NECTIN1: variants seen among roughly 807,000 people sequenced by gnomAD.
NECTIN1 encodes the protein nectin cell adhesion molecule 1.
A neutral mutation model predicts 48.0 loss-of-function variants in NECTIN1; 23 were observed. The ratio of observed to expected loss-of-function variants is 0.48; its 90% CI spans 0.34 to 0.68. The LOEUF (loss-of-function observed/expected upper bound fraction) is 0.68. Among genes scored for constraint, NECTIN1 ranks in the 30% least tolerant of loss-of-function variants. NECTIN1 has a pLI of 0.01. For synonymous variants in NECTIN1, 270 were observed against 288.9 expected (o/e 0.93, Z 0.66); for missense variants, 591 against 709.9 (o/e 0.83, Z 1.90).
At chr11:119,666,676 C>T (rs549293405) in intron 5 of NECTIN1, among the ~76,000 whole-genome samples, 2 of 152,366 alleles carry the variant, frequency 1.3e-5, no homozygotes, top group South Asian at 4.1e-4. Flanking sequence ...TCCAGGCCCA[C>T]GTAAAGGGCC....
intron 1 of NECTIN1, among the ~76,000 whole-genome samples, chr11:119,716,370 G>T (rs1017058562): frequency 6.6e-6 from 1 of 152,044 alleles, no homozygotes. Flanking sequence ...ACAGTCCAGC[G>T]GTGCGAAGGC....
At chr11:119,645,253 G>A (rs1253387751) in intron 5 of NECTIN1, among the ~76,000 whole-genome samples, 1 of 152,150 alleles carries the variant, frequency 6.6e-6, no homozygotes, top group Admixed American at 6.5e-5. Context: ...TCCAGCCCAC[G>A]TGTGCTGGAC....
intron 1 of NECTIN1, among the ~76,000 whole-genome samples, chr11:119,724,812 T>G (rs1346035101): frequency 6.6e-6 from 1 of 152,178 alleles, no homozygotes; most frequent in Non-Finnish European, 1.5e-5. Context: ...CACACACACT[T>G]TATACTAAAG....
intron 1 of NECTIN1, among the ~76,000 whole-genome samples, chr11:119,701,073 C>T (rs533149945): frequency 6.6e-5 from 10 of 152,164 alleles, no homozygotes; most frequent in Non-Finnish European, 1.2e-4. Flanking sequence ...GGCTGGGGAG[C>T]AGGGTGCTTG....
intron 1 of NECTIN1, among the ~76,000 whole-genome samples, chr11:119,718,804 TG>T (rs1047144813): frequency 1.3e-5 from 2 of 152,208 alleles, no homozygotes; most frequent in African/African-American, 4.8e-5. Context: ...CAACAGTGTC[TG>T]TGGCAGGATA....
intron 5 of NECTIN1, among the ~76,000 whole-genome samples, chr11:119,669,999 G>A (rs1041965500): frequency 9.6e-5 from 14 of 145,324 alleles, no homozygotes; most frequent in African/African-American, 2.4e-4. Flanking sequence ...TTGCTCTGTC[G>A]CCCAGGCTGG....
chr11:119,648,343 A>ATGGTGG (rs1565376673), intron 5 of NECTIN1, among the ~76,000 whole-genome samples: 2 of 1,284 alleles, frequency 1.6e-3, no homozygotes, highest in Admixed American at 0.014. Flanking sequence ...GGTGGTGGTG[A>ATGGTGG]TGCTGGTGGT....
At chr11:119,674,585 T>A (rs1014497671) in intron 5 of NECTIN1, 4 of 1,614,170 alleles carry the variant, frequency 2.5e-6, no homozygotes, top group Non-Finnish European at 3.4e-6. Flanking sequence ...CCAGGTGAAG[T>A]CTCTCCTCAG....
At chr11:119,666,613 CG>C (rs1565383553) in intron 5 of NECTIN1, among the ~76,000 whole-genome samples, 1 of 152,234 alleles carries the variant, frequency 6.6e-6, no homozygotes, top group Non-Finnish European at 1.5e-5. Flanking sequence ...CACTAGGCTG[CG>C]GGTCTAGGGC....
chr11:119,697,789 A>G (rs560846036), intron 1 of NECTIN1, among the ~76,000 whole-genome samples: 4 of 152,236 alleles, frequency 2.6e-5, no homozygotes, highest in South Asian at 2.1e-4. Context: ...TGTCTCCTCA[A>G]CTGGAACCCT....
chr11:119,644,213 T>C (rs1864363359), intron 5 of NECTIN1, among the ~76,000 whole-genome samples: 1 of 152,174 alleles, frequency 6.6e-6, no homozygotes, highest in African/African-American at 2.4e-5. Flanking sequence ...ACTGAGATAG[T>C]GAAATCCATG....
Position 119,673,496 on chromosome 11 carries a change from C to G in NECTIN1, c.1003+1663G>C, listed in dbSNP as rs987201962. On this transcript the variant is annotated intron_variant, in intron 5 of 5. Transcript: ENST00000264025. This position sits in a 1 kb window ranked among gnomAD's most constrained non-coding sequence, Gnocchi z 5.8. ...GGAAGGTATCACCACGCAGGGAGTA[C>G]TGCATGATCGTAAGAAGCCTGAGAC... 2.6e-5 allele frequency among the ~76,000 whole-genome samples: 4 copies of G among 152,194 alleles called. No homozygotes were observed. Among genetic ancestry groups the G allele is most frequent in the Non-Finnish European group, 5.9e-5 (4 of 68,026 alleles).
At position 119,663,480 on chromosome 11, in the gene NECTIN1, C is replaced by T. The variant is rs1864704429; in HGVS notation, c.*1267G>A. On this transcript the variant is annotated 3_prime_UTR_variant, in exon 6 of 6. Transcript: ENST00000264025. The stretch of plus-strand genomic sequence containing the variant: ...GGTGGCTGAGCAGGAGGTGGCCTAG[C>T]GGCCCCACCCCCCTCACTTTCTGCC... 1.4e-5 allele frequency: 14 copies of T among 985,532 alleles called. No individual in the cohort carries two copies. The highest frequency in any genetic ancestry group is 1.6e-5 in the Non-Finnish European group (13 of 829,990). 61.0% of individuals were successfully genotyped at this position (985,532 alleles called of 1,614,324 possible). A position where few individuals can be genotyped will look rare whatever the true frequency, so the allele number is the denominator to read the frequency against.
Position 119,664,955 on chromosome 11 carries a change from C to A in NECTIN1, c.1346G>T (p.Gly449Val), listed in dbSNP as rs1028240170. The A allele has an allele frequency of 6.8e-6, 11 of 1,613,232 alleles. No individual in the cohort carries two copies. In the African/African-American group the frequency reaches 1.5e-4, roughly 22 times the overall value. ...EEEEEEGGGG[G>V]ERKVGGPHPK... ...GTGGGGGCCGCCCACCTTGCGCTCGCCCCCTCCACCGCCCTCCTCCTCCTC... is the reference window on the plus strand; with the variant it reads ...GTGGGGGCCGCCCACCTTGCGCTCGACCCCTCCACCGCCCTCCTCCTCCTC... The change falls in exon 6 of 6, where the codon GGC (glycine) becomes GTC (valine). Residue 449 changes from glycine (G) to valine (V), a missense_variant. Gly to Val is a moderately radical substitution (Grantham distance 109, BLOSUM62 -3). Coordinates refer to ENST00000264025, the MANE Select transcript of NECTIN1 (RefSeq NM_002855.5).
At position 119,663,678 on chromosome 11, in the gene NECTIN1, CT is replaced by C; in HGVS notation, c.*1068del. On this transcript the variant is annotated 3_prime_UTR_variant, in exon 6 of 6. Coordinates refer to ENST00000264025, the MANE Select transcript of NECTIN1 (RefSeq NM_002855.5). Reference sequence around the variant, plus strand: ...GGTGGATCCCCCTGGGATCCCAGCCCTGACTAGCCAAAAGAACCAAGTGTTG... The same window carrying C: ...GGTGGATCCCCCTGGGATCCCAGCCCGACTAGCCAAAAGAACCAAGTGTTG... The C allele has an allele frequency of 1.0e-6, 1 of 985,502 alleles. No homozygotes were observed. Among genetic ancestry groups the C allele is most frequent in the Non-Finnish European group, 1.2e-6 (1 of 829,958 alleles). The allele number at this position is 985,502 out of a possible 1,614,324, so 61.0% of individuals were successfully genotyped here.
intron 1 of NECTIN1, among the ~76,000 whole-genome samples, chr11:119,723,950 TCCCAGGACCA>T (rs1404658471): frequency 6.6e-6 from 1 of 152,150 alleles, no homozygotes; most frequent in Non-Finnish European, 1.5e-5. Context: ...GGTGCTGGGC[TCCCAGGACCA>T]CCCTCTTCCC....
chr11:119,647,708 C>G (rs1565375990), intron 5 of NECTIN1, among the ~76,000 whole-genome samples: 1 of 152,146 alleles, frequency 6.6e-6, no homozygotes, highest in Non-Finnish European at 1.5e-5. Context: ...AAAGTCATGA[C>G]TGGATTCTCC....
chr11:119,689,331 C>T (rs1865212976), intron 1 of NECTIN1, among the ~76,000 whole-genome samples: 1 of 152,226 alleles, frequency 6.6e-6, no homozygotes, highest in African/African-American at 2.4e-5. Context: ...GCAGCACACA[C>T]ATGTGCACAC....
At chr11:119,713,864 G>A (rs1049279710) in intron 1 of NECTIN1, 5 of 455,912 alleles carry the variant, frequency 1.1e-5, no homozygotes, top group South Asian at 4.6e-5. Flanking sequence ...TCCTGGGCCC[G>A]GCGTTGCTTG....
Sources: allele counts gnomAD v4.1 joint callset (sites outside exome capture counted in the v4.1 genomes callset), GRCh38; gene constraint gnomAD v4.1.1; non-coding constraint Gnocchi (gnomAD v3.1); transcripts MANE v1.5; gene names NCBI Gene and HGNC (gene_info 2026-07-23, HGNC 2026-07-21).